The following EEPD1 variants were observed in gnomAD, a reference collection of about 807,000 sequenced individuals.
EEPD1 encodes the protein endonuclease/exonuclease/phosphatase family domain containing 1.
Under a neutral mutation model 46.3 loss-of-function variants are expected in EEPD1, and 17 were observed. That is an observed-to-expected ratio of 0.37 (90% CI 0.25 to 0.55). The LOEUF is 0.55. Ranked by LOEUF, EEPD1 falls within the 20% of genes least tolerant of loss-of-function variation. EEPD1 has a pLI of 0.83. For synonymous variants in EEPD1, 313 were observed against 315.6 expected (o/e 0.99, Z 0.09); for missense variants, 673 against 745.6 (o/e 0.90, Z 1.13).
At chr7:36,266,815 C>G (rs1787026768) in intron 3 of EEPD1, among the ~76,000 whole-genome samples, 1 of 152,180 alleles carries the variant, frequency 6.6e-6, no homozygotes, top group African/African-American at 2.4e-5. Context: ...ATGTCTTGTG[C>G]AAATGGAGTC....
chr7:36,283,961 G>A (rs980319284), intron 4 of EEPD1, among the ~76,000 whole-genome samples: 27 of 152,224 alleles, frequency 1.8e-4, no homozygotes, highest in African/African-American at 6.5e-4. Flanking sequence ...GAAAGGAGAA[G>A]TGTGTCTTCT....
At chr7:36,274,717 G>A (rs1233246342) in intron 3 of EEPD1, among the ~76,000 whole-genome samples, 7 of 152,074 alleles carry the variant, frequency 4.6e-5, no homozygotes, top group Admixed American at 4.6e-4. Flanking sequence ...TTGACATTTT[G>A]TAATGACCCC....
At chr7:36,258,880 G>A (rs1330531931) in intron 3 of EEPD1, among the ~76,000 whole-genome samples, 1 of 140,440 alleles carries the variant, frequency 7.1e-6, no homozygotes, top group Non-Finnish European at 1.6e-5. Flanking sequence ...GTGCCACTGG[G>A]GTATGAAAAA....
intron 3 of EEPD1, among the ~76,000 whole-genome samples, chr7:36,241,668 A>T (rs1046467600): frequency 5.3e-5 from 8 of 151,954 alleles, no homozygotes; most frequent in Non-Finnish European, 1.0e-4. Context: ...GGAGTTCAAG[A>T]CCAGCCTGGC....
At chr7:36,282,359 T>C (rs1787275289) in intron 4 of EEPD1, among the ~76,000 whole-genome samples, 1 of 152,234 alleles carries the variant, frequency 6.6e-6, no homozygotes, top group Non-Finnish European at 1.5e-5. Flanking sequence ...GCATATTGTT[T>C]CATGCCAGGT....
chr7:36,276,110 G>C (rs956878678), intron 3 of EEPD1, among the ~76,000 whole-genome samples: 2 of 152,134 alleles, frequency 1.3e-5, no homozygotes, highest in African/African-American at 4.8e-5. Context: ...AACCTACTGA[G>C]GCTGAGACCT....
intron 2 of EEPD1, among the ~76,000 whole-genome samples, chr7:36,211,345 A>G (rs1477358906): frequency 6.6e-6 from 1 of 152,238 alleles, no homozygotes; most frequent in Non-Finnish European, 1.5e-5. Context: ...ATAACTCCAG[A>G]GCCAACCCTA....
chr7:36,244,767 ATTTTTTTT>A (rs140539379), intron 3 of EEPD1, among the ~76,000 whole-genome samples: 1 of 108,436 alleles, frequency 9.2e-6, no homozygotes, highest in Non-Finnish European at 1.9e-5. Context: ...TTCAGAGTTG[ATTTTTTTT>A]TTTTTTTTTT....
chr7:36,226,849 A>G (rs1254680529), intron 2 of EEPD1, among the ~76,000 whole-genome samples: 3 of 152,208 alleles, frequency 2.0e-5, no homozygotes, highest in African/African-American at 7.2e-5. Flanking sequence ...ATGGCTTTAT[A>G]TATATAATAA....
At chr7:36,214,554 T>G (rs915727774) in intron 2 of EEPD1, among the ~76,000 whole-genome samples, 5 of 152,214 alleles carry the variant, frequency 3.3e-5, no homozygotes, top group Admixed American at 2.6e-4. Flanking sequence ...TTCAGTCTGG[T>G]CGCATCTGCC....
At chr7:36,232,418 A>G (rs2115768460) in intron 2 of EEPD1, among the ~76,000 whole-genome samples, 1 of 151,680 alleles carries the variant, frequency 6.6e-6, no homozygotes, top group Admixed American at 6.6e-5. Context: ...GTTAGCCAGG[A>G]TGGTCTTGAT....
At chr7:36,211,038 G>A (rs1217909500) in intron 2 of EEPD1, among the ~76,000 whole-genome samples, 2 of 152,180 alleles carry the variant, frequency 1.3e-5, no homozygotes, top group Admixed American at 6.5e-5. Flanking sequence ...TCATAGGGCT[G>A]TTGTAATGTG....
At chr7:36,192,472 C>T (rs1194328013) in intron 2 of EEPD1, among the ~76,000 whole-genome samples, 1 of 151,624 alleles carries the variant, frequency 6.6e-6, no homozygotes, top group Non-Finnish European at 1.5e-5. Context: ...GACAGTGACA[C>T]TGTCTATTTT....
At chr7:36,191,980 A>G (rs1785468742) in intron 2 of EEPD1, among the ~76,000 whole-genome samples, 3 of 152,144 alleles carry the variant, frequency 2.0e-5, no homozygotes, top group African/African-American at 7.2e-5. Context: ...CTTCTTTAGA[A>G]GAGTCTAAGC....
At chr7:36,275,223 G>A (rs200629335) in intron 3 of EEPD1, among the ~76,000 whole-genome samples, 1 of 152,174 alleles carries the variant, frequency 6.6e-6, no homozygotes, top group East Asian at 1.9e-4. Context: ...AGCAGGATGA[G>A]GATGGCCATT....
At chr7:36,198,950 A>C (rs998872934) in intron 2 of EEPD1, among the ~76,000 whole-genome samples, 5 of 151,982 alleles carry the variant, frequency 3.3e-5, no homozygotes, top group African/African-American at 1.2e-4. Flanking sequence ...AGCCCTCTAC[A>C]GGGAGGGGTG....
At chr7:36,192,815 AAC>A (rs1300084125) in intron 2 of EEPD1, among the ~76,000 whole-genome samples, 2 of 152,224 alleles carry the variant, frequency 1.3e-5, no homozygotes, top group African/African-American at 4.8e-5. Context: ...TGGATCAAGA[AAC>A]ACAGAGCATC....
chr7:36,243,332 G>A (rs4371895), intron 3 of EEPD1, among the ~76,000 whole-genome samples: 2 of 149,836 alleles, frequency 1.3e-5, no homozygotes, highest in East Asian at 2.0e-4. Flanking sequence ...GGCACCAAAA[G>A]AGAAGAAGTA....
intron 2 of EEPD1, among the ~76,000 whole-genome samples, chr7:36,231,450 G>C (rs1350321683): frequency 1.3e-5 from 2 of 152,074 alleles, no homozygotes; most frequent in Non-Finnish European, 2.9e-5. Context: ...CATCTGCTTG[G>C]GGCTGTGCTG....
Sources: allele counts gnomAD v4.1 joint callset (sites outside exome capture counted in the v4.1 genomes callset), GRCh38; gene constraint gnomAD v4.1.1; transcripts MANE v1.5; gene names NCBI Gene and HGNC (gene_info 2026-07-23, HGNC 2026-07-21).